The following HAUS6 variants were observed in gnomAD, a reference collection of about 807,000 sequenced individuals.
HAUS6 encodes the protein HAUS augmin like complex subunit 6.
HAUS6 carries 80 observed loss-of-function variants against 106.8 expected under a neutral mutation model. The observed-to-expected ratio is 0.75, with a 90% CI of 0.63 to 0.90. The LOEUF is 0.90. Ranked by LOEUF, HAUS6 falls within the 40% of genes least tolerant of loss-of-function variation. The pLI is 0.00. For synonymous variants in HAUS6, 356 were observed against 379.1 expected (o/e 0.94, Z 0.71); for missense variants, 1,155 against 1,118.1 (o/e 1.03, Z -0.47).
chr9:19,068,345 A>G (rs577892652), intron 12 of HAUS6, among the ~76,000 whole-genome samples: 1 of 151,762 alleles, frequency 6.6e-6, no homozygotes, highest in South Asian at 2.1e-4. Context: ...TTCTTCCACA[A>G]CTAGTCCTGA....
chr9:19,092,150 C>A (rs945467719), intron 4 of HAUS6, among the ~76,000 whole-genome samples: 4 of 151,964 alleles, frequency 2.6e-5, no homozygotes, highest in East Asian at 3.9e-4. Context: ...ATTATCCATA[C>A]AATAGTGATA....
chr9:19,072,411 G>A (rs1195241206), intron 11 of HAUS6, among the ~76,000 whole-genome samples: 1 of 151,640 alleles, frequency 6.6e-6, no homozygotes, highest in Non-Finnish European at 1.5e-5. Context: ...TACATGGGAA[G>A]CTTAGGCAGA....
At chr9:19,093,399 G>T in intron 3 of HAUS6, 96 bp from the exon 4 acceptor site, 1 of 1,083,732 alleles carries the variant, frequency 9.2e-7, no homozygotes, top group Non-Finnish European at 1.4e-6. Context: ...TGACAGTCTT[G>T]CAATAGAAGT....
Position 19,094,341 on chromosome 9 carries a change from G to C in HAUS6, c.279C>G (p.Cys93Trp). The change falls in exon 3 of 17, where the codon TGC becomes TGG. Residue 93 changes from cysteine to tryptophan, a missense_variant. Cys to Trp is a radical substitution (Grantham distance 215, BLOSUM62 -2). This residue lies in a region of HAUS6 where 761 missense variants were observed against 690.0 expected (regional missense o/e 1.10). Transcript: ENST00000380502. Reference sequence around the variant, plus strand: ...CAGAAATCCTTTTTATCCATTCACAGCAATGTTTTCGGAATTCAGTGTCAC... The same window carrying C: ...CAGAAATCCTTTTTATCCATTCACACCAATGTTTTCGGAATTCAGTGTCAC... ...QKSDTEFRKH[C>W]CEWIKRISGE... 1 of 1,600,250 alleles carries C rather than the reference G, an allele frequency of 6.2e-7. No homozygotes were observed. Among genetic ancestry groups the C allele is most frequent in the Non-Finnish European group, 8.5e-7 (1 of 1,170,164 alleles).
chr9:19,095,494 T>G (rs1457926787), intron 2 of HAUS6, among the ~76,000 whole-genome samples: 1 of 141,022 alleles, frequency 7.1e-6, no homozygotes, highest in Non-Finnish European at 1.5e-5. Flanking sequence ...GCCATAATGT[T>G]GATAATCAGC....
chr9:19,056,598 T>A, intron 16 of HAUS6, 194 bp from the exon 17 acceptor site: 1 of 214,784 alleles, frequency 4.7e-6, no homozygotes, highest in Non-Finnish European at 8.9e-6. Context: ...CCCAGAGTAC[T>A]TTTTTTTTTT....
At chr9:19,097,812 T>A (rs1197408428) in intron 1 of HAUS6, among the ~76,000 whole-genome samples, 1 of 151,542 alleles carries the variant, frequency 6.6e-6, no homozygotes, top group African/African-American at 2.4e-5. Flanking sequence ...CACTAAACCC[T>A]TTAAGAAAAT....
At chr9:19,091,300 C>T (rs1460337915) in intron 4 of HAUS6, among the ~76,000 whole-genome samples, 3 of 112,888 alleles carry the variant, frequency 2.7e-5, no homozygotes, top group Admixed American at 1.9e-4. Flanking sequence ...ACTTCGTCTG[C>T]GAAAAAAAAA....
At chr9:19,072,741 T>C (rs1178365733) in intron 11 of HAUS6, among the ~76,000 whole-genome samples, 1 of 152,078 alleles carries the variant, frequency 6.6e-6, no homozygotes, top group Non-Finnish European at 1.5e-5. Flanking sequence ...AGCATATACT[T>C]TGAGATACAC....
rs952560451 is a variant in HAUS6 at position 19,095,575 on chromosome 9, T to C, written c.224+1099A>G. On this transcript the variant is annotated intron_variant, in intron 2 of 16. Coordinates refer to ENST00000380502, the MANE Select transcript of HAUS6 (RefSeq NM_017645.5). ...ACCCTATACCTTAATAATAGGGAAT[T>C]CCAAAAAATCATCCAAACATACCTA... Among the ~76,000 whole-genome samples the C allele has an allele frequency of 2.6e-5, 4 of 151,896 alleles. No individual in the cohort carries two copies. The South Asian group carries it at 8.3e-4, about 32-fold the overall frequency.
chr9:19,087,510 T>C (rs188475346), intron 5 of HAUS6, among the ~76,000 whole-genome samples: 1 of 152,320 alleles, frequency 6.6e-6, no homozygotes, highest in East Asian at 1.9e-4. Flanking sequence ...TTTAGTAATA[T>C]ATAACAAAGC....
At chr9:19,072,358 C>T (rs1836898275) in intron 11 of HAUS6, among the ~76,000 whole-genome samples, 1 of 151,938 alleles carries the variant, frequency 6.6e-6, no homozygotes, top group Non-Finnish European at 1.5e-5. Flanking sequence ...ACTAAAAATA[C>T]AAAAATTAGC....
chr9:19,081,232 TAG>T (rs1837141746), intron 8 of HAUS6, among the ~76,000 whole-genome samples: 1 of 152,036 alleles, frequency 6.6e-6, no homozygotes, highest in African/African-American at 2.4e-5. Flanking sequence ...GGTTGAAAAC[TAG>T]AATAAAAGAA....
At chr9:19,069,736 G>A (rs1419570887) in intron 12 of HAUS6, among the ~76,000 whole-genome samples, 1 of 151,886 alleles carries the variant, frequency 6.6e-6, no homozygotes, top group Admixed American at 6.6e-5. Flanking sequence ...CACTATCCCA[G>A]AGTAAATAAG....
chr9:19,060,156 A>C lies in HAUS6; in HGVS notation c.1697T>G (p.Leu566Arg), dbSNP rs760613378. 2.5e-6 allele frequency: 4 copies of C among 1,600,442 alleles called. No homozygotes were observed. Among genetic ancestry groups the C allele is most frequent in the Non-Finnish European group, 3.4e-6 (4 of 1,171,204 alleles). The stretch of plus-strand genomic sequence containing the variant: ...GGGGTTAGAACCCAGAGAGTCAATT[A>C]GTTCCTCTAATTTTATTTCTTTTCC... Reference protein sequence around the residue: ...SEGKEIKLEELIDSLGSNPFL... With the variant: ...SEGKEIKLEERIDSLGSNPFL... Residue 566 changes from leucine to arginine, a missense_variant, in exon 15 of 17, where the codon CTA becomes CGA. Around this residue, in one of 3 missense-constraint regions of HAUS6, gnomAD observed 761 missense variants for 690.0 expected, o/e 1.10. Transcript: ENST00000380502.
rs1345458873 is a variant in HAUS6, at chr9:19,053,641, A to G, written c.*2702T>C. On this transcript the variant is annotated 3_prime_UTR_variant, in exon 17 of 17. Transcript: ENST00000380502. ...CATTTTAGCATTATCTCAGGTTTCA[A>G]GCTGATGTATGTCAGTTTATATACC... is the stretch of plus-strand genomic sequence containing the variant. The G allele has an allele frequency of 6.6e-6, 1 of 152,188 alleles. No homozygotes were observed. The highest frequency in any genetic ancestry group is 2.4e-5 in the African/African-American group (1 of 41,458). The allele number at this position is 152,188 out of a possible 1,614,324, so 9.4% of individuals were successfully genotyped here.
intron 4 of HAUS6, among the ~76,000 whole-genome samples, chr9:19,091,767 T>A (rs10963956): frequency 0.38 from 57,821 of 151,968 alleles, 11,814 homozygotes; most frequent in Non-Finnish European, 0.45. Flanking sequence ...GTTCAAGCGA[T>A]TCTCGTGCCT....
At position 19,093,108 on chromosome 9, in the gene HAUS6, A is replaced by G. The variant is rs551400853; in HGVS notation, c.436+63T>C. ...TACTAAGATCTCTTCACGATTTAAA[A>G]ATTGTAAAGAACAATAAAAATTTAA... On this transcript the variant is annotated intron_variant, in intron 4 of 16. Coordinates refer to ENST00000380502, the MANE Select transcript of HAUS6 (RefSeq NM_017645.5). The G allele has an allele frequency of 6.8e-6, 8 of 1,179,980 alleles. No individual in the cohort carries two copies. In the Admixed American group the frequency reaches 1.8e-4, roughly 27 times the overall value. 73.1% of individuals were successfully genotyped at this position (1,179,980 alleles called of 1,614,324 possible).
rs142319830 is a variant in HAUS6, at chr9:19,067,432, T to C, written c.1376+2787A>G. ...TATCTAGCAATGATAATCTTTTATA[T>C]CCCATTAACCATTTATCCCTCACCA... On this transcript the variant is annotated intron_variant, in intron 12 of 16. Transcript: ENST00000380502. Among the ~76,000 whole-genome samples, 1,251 of 152,278 alleles carry C rather than the reference T, an allele frequency of 8.2e-3. 12 individuals carry two copies. The highest frequency in any genetic ancestry group is 0.021 in the South Asian group (99 of 4,820).
Sources: allele counts gnomAD v4.1 joint callset (sites outside exome capture counted in the v4.1 genomes callset), GRCh38; gene constraint gnomAD v4.1.1; regional missense constraint gnomAD v4.1.1; transcripts MANE v1.5; gene names NCBI Gene and HGNC (gene_info 2026-07-23, HGNC 2026-07-21).